PTK2: variants seen among roughly 807,000 people sequenced by gnomAD.
PTK2 encodes the protein focal adhesion kinase 1.
PTK2 carries 45 observed loss-of-function variants against 150.1 expected under a neutral mutation model. That is an observed-to-expected ratio of 0.30 (90% confidence interval 0.24 to 0.38). PTK2 has a LOEUF of 0.38. PTK2 is among the 10% of genes least tolerant of loss of function. The pLI is 1.00. For synonymous variants in PTK2, 432 were observed against 449.2 expected (o/e 0.96, Z 0.48); for missense variants, 919 against 1,307.3 (o/e 0.70, Z 4.58).
intron 5 of PTK2, 96 bp downstream of exon 5, chr8:140,864,216 C>T: frequency 1.5e-6 from 1 of 671,054 alleles, no homozygotes; most frequent in South Asian, 3.5e-5. Context: ...TCTATTCCTC[C>T]AAACGTGAGC....
intron 14 of PTK2, among the ~76,000 whole-genome samples, chr8:140,773,883 G>A (rs995468005): frequency 1.7e-4 from 26 of 152,110 alleles, no homozygotes; most frequent in African/African-American, 3.6e-4. Context: ...CAATTGCTCC[G>A]GGCCCGGGTG....
At chr8:140,738,679 C>A (rs778337388) in intron 21 of PTK2, among the ~76,000 whole-genome samples, 1 of 151,492 alleles carries the variant, frequency 6.6e-6, no homozygotes, top group Non-Finnish European at 1.5e-5. Flanking sequence ...ATGAAAGGAA[C>A]GAATGAGATG....
intron 10 of PTK2, among the ~76,000 whole-genome samples, chr8:140,812,325 A>G (rs754422067): frequency 4.6e-5 from 7 of 152,234 alleles, no homozygotes; most frequent in Non-Finnish European, 1.0e-4. Flanking sequence ...AAGGAGATAT[A>G]GGATCCTTTT....
In PTK2 at chr8:140,917,811, G is replaced by A. The variant is rs928161582; in HGVS notation, c.-33+7850C>T. On this transcript the variant is annotated intron_variant, in intron 2 of 31. Transcript: ENST00000522684. ...AATCCAAAAAAGTAAAATATATAAT[G>A]ACAAATCACAGTAAGTGCTATACAA... Among the ~76,000 whole-genome samples, 32 of 152,156 alleles carry A rather than the reference G, an allele frequency of 2.1e-4. 1 individual carries two copies. The highest frequency in any genetic ancestry group is 1.2e-4 in the African/African-American group (5 of 41,430).
intron 23 of PTK2, among the ~76,000 whole-genome samples, chr8:140,715,071 CA>C (rs2100038872): frequency 1.4e-5 from 2 of 144,516 alleles, no homozygotes; most frequent in Non-Finnish European, 1.5e-5. Flanking sequence ...GAAAGTTCAA[CA>C]ATTAACATAT....
intron 7 of PTK2, among the ~76,000 whole-genome samples, chr8:140,831,695 C>T (rs920247097): frequency 2.0e-5 from 3 of 152,152 alleles, no homozygotes; most frequent in African/African-American, 7.2e-5. Flanking sequence ...CTATGATATA[C>T]TACTTTCTGG....
At chr8:140,684,869 G>A (rs1001666760) in intron 27 of PTK2, among the ~76,000 whole-genome samples, 2 of 152,100 alleles carry the variant, frequency 1.3e-5, no homozygotes, top group South Asian at 2.1e-4. Flanking sequence ...CCAATAACAT[G>A]CTTTACAGAA....
At chr8:140,666,302 C>A (rs1588970758) in intron 30 of PTK2, among the ~76,000 whole-genome samples, 4 of 152,262 alleles carry the variant, frequency 2.6e-5, no homozygotes, top group Admixed American at 2.6e-4. Context: ...CGTGCCATTG[C>A]ACTCCAGCCT....
rs150926223 is a variant in PTK2, at chr8:140,680,479, C to T, written c.2563-4980G>A. ...TCCTGACCTCAGGTGATCCACCGCT[C>T]CTGGCCACAAGTTCTTATTAATAAA... is the stretch of plus-strand genomic sequence containing the variant. On this transcript the variant is annotated intron_variant, in intron 27 of 31. Transcript: ENST00000522684. Among the ~76,000 whole-genome samples, 912 of 152,256 alleles carry T rather than the reference C, an allele frequency of 6.0e-3. 11 individuals carry two copies. The highest frequency in any genetic ancestry group is 7.4e-3 in the Non-Finnish European group (503 of 67,994).
At chr8:140,667,477 T>G (rs2093024898) in intron 30 of PTK2, among the ~76,000 whole-genome samples, 1 of 151,696 alleles carries the variant, frequency 6.6e-6, no homozygotes, top group Admixed American at 6.6e-5. Context: ...TTTTTTTTTT[T>G]TTTTAAAGAG....
At chr8:140,790,060 T>C (rs1160161968) in intron 13 of PTK2, among the ~76,000 whole-genome samples, 1 of 146,072 alleles carries the variant, frequency 6.8e-6, no homozygotes, top group Admixed American at 6.7e-5. Context: ...CATGACATGG[T>C]TTAACACTAG....
At chr8:140,702,577 T>C (rs1332379703) in exon 25 of PTK2, 5 of 1,613,192 alleles carry the variant, frequency 3.1e-6, no homozygotes, top group African/African-American at 1.3e-5. Context: ...TACCTCCACA[T>C]TGGGCTGCCA....
intron 10 of PTK2, among the ~76,000 whole-genome samples, chr8:140,804,783 C>T (rs2100097362): frequency 6.6e-6 from 1 of 152,216 alleles, no homozygotes; most frequent in South Asian, 2.1e-4. Flanking sequence ...CTTCCTGCGC[C>T]GTTTGTAGAG....
At chr8:140,866,700 T>C (rs1012082738) in intron 4 of PTK2, among the ~76,000 whole-genome samples, 3 of 152,218 alleles carry the variant, frequency 2.0e-5, no homozygotes, top group African/African-American at 7.2e-5. Context: ...GCACAGATCA[T>C]GTCTCAGGTA....
intron 1 of PTK2, among the ~76,000 whole-genome samples, chr8:140,955,292 G>A (rs901127149): frequency 1.2e-4 from 19 of 152,160 alleles, no homozygotes; most frequent in African/African-American, 4.6e-4. Context: ...TTCTTCTCAT[G>A]ATAGCAAATA....
chr8:140,735,243 A>T lies in PTK2; in HGVS notation c.2030+8T>A. On this transcript the variant is annotated splice_region_variant and intron_variant, in intron 22 of 31. Coordinates refer to ENST00000522684, the Ensembl canonical transcript of PTK2. The stretch of plus-strand genomic sequence containing the variant: ...CACCCCCAGGCCCTCTCTCCCGCCA[A>T]CTCCTACCTGAGCTGAGCTTTAAGT... The T allele has an allele frequency of 6.2e-7, 1 of 1,612,952 alleles. No individual in the cohort carries two copies. Among genetic ancestry groups the T allele is most frequent in the Non-Finnish European group, 8.5e-7 (1 of 1,179,492 alleles).
chr8:140,880,335 T>A (rs765808099), intron 3 of PTK2, among the ~76,000 whole-genome samples: 1 of 152,184 alleles, frequency 6.6e-6, no homozygotes, highest in Admixed American at 6.5e-5. Context: ...CTAGAGATGG[T>A]GAAATTTCTC....
At chr8:140,659,519 C>A (rs751168363) in exon 32 of PTK2, 1 of 1,613,606 alleles carries the variant, frequency 6.2e-7, no homozygotes, top group Non-Finnish European at 8.5e-7. Flanking sequence ...TCAATGACAT[C>A]GAGTAAGTTT....
At chr8:140,745,798 G>A (rs1400208760) in intron 18 of PTK2, among the ~76,000 whole-genome samples, 2 of 152,020 alleles carry the variant, frequency 1.3e-5, no homozygotes, top group Non-Finnish European at 2.9e-5. Context: ...TCAGGGGTTC[G>A]AGACCAGCCT....
Sources: allele counts gnomAD v4.1 joint callset (sites outside exome capture counted in the v4.1 genomes callset), GRCh38; gene constraint gnomAD v4.1.1; transcripts MANE v1.5; gene names NCBI Gene and HGNC (gene_info 2026-07-23, HGNC 2026-07-21).